The following CACNA1H variants were observed in gnomAD, a reference collection of about 807,000 sequenced individuals.
CACNA1H encodes voltage-dependent T-type calcium channel subunit alpha-1H.
A neutral mutation model predicts 192.5 loss-of-function variants in CACNA1H; 149 were observed. The observed-to-expected ratio is 0.77, with a 90% CI of 0.68 to 0.89. The LOEUF is 0.89. Among genes scored for constraint, CACNA1H ranks in the 40% least tolerant of loss-of-function variants. CACNA1H has a pLI of 0.00. For missense variants in CACNA1H, 4,257 were observed against 3,423.5 expected (o/e 1.24, Z -6.08); for synonymous variants, 2,202 against 1,475.2 (o/e 1.49, Z -11.29).
In CACNA1H at chr16:1,204,058, C is replaced by A. The variant is rs767983680; in HGVS notation, c.2051C>A (p.Pro684His). The change falls in exon 10 of 35, where the codon CCC (proline) becomes CAC (histidine). Residue 684 changes from proline (P) to histidine (H), a missense_variant. Physicochemically the swap from Pro to His is moderately conservative, Grantham distance 77 (BLOSUM62 -2). Coordinates refer to ENST00000348261, the MANE Select transcript of CACNA1H (RefSeq NM_021098.3). ...CTGTCGGGCCTCAGTGTGCCCTGCCCCCTGCCCAGCCCCCCAGCGGGCACA... is the reference window on the plus strand; with the variant it reads ...CTGTCGGGCCTCAGTGTGCCCTGCCACCTGCCCAGCCCCCCAGCGGGCACA... ...GHLSGLSVPC[P>H]LPSPPAGTLT... 5 of 1,595,084 alleles carry A rather than the reference C, an allele frequency of 3.1e-6. No homozygotes were observed. Among genetic ancestry groups the A allele is most frequent in the Middle Eastern group, 3.3e-4 (2 of 6,064 alleles).
At position 1,198,555 on chromosome 16, in the gene CACNA1H, C is replaced by T. The variant is rs573498568; in HGVS notation, c.644-60C>T. On this transcript the variant is annotated intron_variant, in intron 5 of 34. Coordinates refer to ENST00000348261, the MANE Select transcript of CACNA1H (RefSeq NM_021098.3). The stretch of plus-strand genomic sequence containing the variant: ...GGCTCGGGGGTCCCGGGAGGGGCTG[C>T]AGCCCCGAGGACACTCCTGCAGGGC... 1.0e-4 allele frequency: 164 copies of T among 1,581,478 alleles called. No homozygotes were observed. In the African/African-American group the frequency reaches 2.1e-3, roughly 20 times the overall value.
Position 1,167,347 on chromosome 16 carries a change from G to A in CACNA1H, c.299+13311G>A, listed in dbSNP as rs924817931. On this transcript the variant is annotated intron_variant, in intron 2 of 34. Transcript: ENST00000348261. This position sits in a 1 kb window ranked among gnomAD's most constrained non-coding sequence, Gnocchi z 4.2. ...ACGGGTGCGGGGGCGATATCGGCGC[G>A]GAGCGGGCGGGGTGGCGCCCGGGCC... 1.1e-4 allele frequency among the ~76,000 whole-genome samples: 16 copies of A among 152,284 alleles called. No individual in the cohort carries two copies. Among genetic ancestry groups the A allele is most frequent in the Admixed American group, 2.6e-4 (4 of 15,304 alleles).
Position 1,209,426 on chromosome 16 carries a change from C to T in CACNA1H, c.3744+14C>T. ...GACTCGGAGGACGTGAGTGCGTGGC[C>T]CTGGGCCCACCGCCGACTCGCCTTC... On this transcript the variant is annotated intron_variant, in intron 17 of 34. Transcript: ENST00000348261. 1 of 1,592,860 alleles carries T rather than the reference C, an allele frequency of 6.3e-7. No homozygotes were observed. Among genetic ancestry groups the T allele is most frequent in the Non-Finnish European group, 8.5e-7 (1 of 1,176,310 alleles).
rs1963929804 is a variant in CACNA1H, at chr16:1,167,620, A to G, written c.299+13584A>G. Among the ~76,000 whole-genome samples the G allele has an allele frequency of 6.6e-6, 1 of 152,080 alleles. No homozygotes were observed. The highest frequency in any genetic ancestry group is 1.5e-5 in the Non-Finnish European group (1 of 68,006). On this transcript the variant is annotated intron_variant, in intron 2 of 34. Coordinates refer to ENST00000348261, the MANE Select transcript of CACNA1H (RefSeq NM_021098.3). This position sits in a 1 kb window ranked among gnomAD's most constrained non-coding sequence, Gnocchi z 4.2. ...TGGGGTTGCCGTGGCAACGCCTGTC[A>G]CTAATCCCCAGCTGCTCCTGGTTGA...
In CACNA1H at chr16:1,215,348, A is replaced by C. The variant is rs781279677; in HGVS notation, c.5146A>C (p.Ile1716Leu). 3 of 1,611,744 alleles carry C rather than the reference A, an allele frequency of 1.9e-6. No individual in the cohort carries two copies. The highest frequency in any genetic ancestry group is 2.5e-6 in the Non-Finnish European group (3 of 1,179,358). Residue 1716 changes from isoleucine to leucine, a missense_variant, in exon 29 of 35, where the codon ATC (isoleucine) becomes CTC (leucine). Ile to Leu is a conservative substitution (Grantham distance 5). Transcript: ENST00000348261. The stretch of plus-strand genomic sequence containing the variant: ...GCCCATCAACCCCACCATCATCCGC[A>C]TCATGCGCGTGCTTCGCATTGCCCG... ...ALPINPTIIR[I>L]MRVLRIARVL...
At position 1,195,569 on chromosome 16, in the gene CACNA1H, G is replaced by C. The variant is rs1418796576; in HGVS notation, c.545+4G>C. 1 of 1,583,916 alleles carries C rather than the reference G, an allele frequency of 6.3e-7. No homozygotes were observed. The highest frequency in any genetic ancestry group is 1.3e-5 in the African/African-American group (1 of 74,310). ...ATTTCTTCATCGTCGTGGCGGGGTAGGCCCCGCCTGGGAGAGGCCACAGCG... is the reference window on the plus strand; with the variant it reads ...ATTTCTTCATCGTCGTGGCGGGGTACGCCCCGCCTGGGAGAGGCCACAGCG... On this transcript the variant is annotated splice_donor_region_variant and intron_variant, in intron 4 of 34. Coordinates refer to ENST00000348261, the MANE Select transcript of CACNA1H (RefSeq NM_021098.3).
At chr16:1,177,975 C>T (rs1221389815) in intron 2 of CACNA1H, among the ~76,000 whole-genome samples, 1 of 151,108 alleles carries the variant, frequency 6.6e-6, no homozygotes, top group Non-Finnish European at 1.5e-5. Flanking sequence ...CCCTGGGACC[C>T]CCGGGGTCTC....
intron 2 of CACNA1H, among the ~76,000 whole-genome samples, chr16:1,189,839 C>T (rs1966440757): frequency 6.6e-6 from 1 of 152,186 alleles, no homozygotes; most frequent in African/African-American, 2.4e-5. Flanking sequence ...TTCCCCTGTT[C>T]AGGCCTCTCT....
intron 2 of CACNA1H, among the ~76,000 whole-genome samples, chr16:1,176,550 G>T (rs1434531247): frequency 6.6e-6 from 1 of 152,356 alleles, no homozygotes; most frequent in East Asian, 1.9e-4. Flanking sequence ...GAGGTGACGG[G>T]CCTGGGCTGC....
At chr16:1,184,162 TC>T (rs1965750976) in intron 2 of CACNA1H, among the ~76,000 whole-genome samples, 1 of 152,196 alleles carries the variant, frequency 6.6e-6, no homozygotes, top group Admixed American at 6.5e-5. Flanking sequence ...ACAGGGGGCT[TC>T]CGGTGCTTCA....
rs1275700450 is a variant in CACNA1H, at chr16:1,211,025, G to A, written c.4223+54G>A. ...CAACCTGGAAGCACAGTCCCCTGAC[G>A]CCACTGCCCATTACTCCTCCCGCAG... On this transcript the variant is annotated intron_variant, in intron 21 of 34. Transcript: ENST00000348261. The A allele has an allele frequency of 1.5e-4, 227 of 1,560,566 alleles. 2 individuals are homozygous for A. Among genetic ancestry groups the A allele is most frequent in the Middle Eastern group, 2.3e-4 (1 of 4,380 alleles).
chr16:1,182,972 C>T lies in CACNA1H; in HGVS notation c.300-12000C>T, dbSNP rs189210090. ...CAGGTTCTCAGGAGGGCAAGCCCAC[C>T]TGTCCCATCTCTGGACAACTGGGTT... On this transcript the variant is annotated intron_variant, in intron 2 of 34. Coordinates refer to ENST00000348261, the MANE Select transcript of CACNA1H (RefSeq NM_021098.3). 3.6e-3 allele frequency among the ~76,000 whole-genome samples: 546 copies of T among 152,214 alleles called. 7 individuals are homozygous for T. Among genetic ancestry groups the T allele is most frequent in the African/African-American group, 0.013 (524 of 41,524 alleles).
intron 2 of CACNA1H, among the ~76,000 whole-genome samples, chr16:1,179,671 C>G (rs1409308762): frequency 6.6e-6 from 1 of 151,676 alleles, no homozygotes; most frequent in African/African-American, 2.4e-5. Context: ...TCAAGTGATC[C>G]ACCCGCCTCA....
chr16:1,206,137 C>T lies in CACNA1H; in HGVS notation c.2637C>T (p.Gly879=), dbSNP rs1968676286. 2.5e-6 allele frequency: 4 copies of T among 1,585,896 alleles called. No individual in the cohort carries two copies. The highest frequency in any genetic ancestry group is 1.3e-5 in the African/African-American group (1 of 74,380). The change falls in exon 12 of 35, where the codon GGC becomes GGT. Residue 879 remains glycine (G), a synonymous_variant. Coordinates refer to ENST00000348261, the MANE Select transcript of CACNA1H (RefSeq NM_021098.3). ...AGATCGTGGGGCAGGCGGACGGTGG[C>T]TTGTCTGTGCTGCGCACCTTCCGGC... is the stretch of plus-strand genomic sequence containing the variant. ...VWEIVGQADG[G]LSVLRTFRLL...
chr16:1,201,789 C>G lies in CACNA1H; in HGVS notation c.1339C>G (p.Leu447Val), dbSNP rs1375622822. The G allele has an allele frequency of 1.3e-6, 2 of 1,598,744 alleles. No homozygotes were observed. The highest frequency in any genetic ancestry group is 1.7e-6 in the Non-Finnish European group (2 of 1,173,840). ...RARHLSNDST[L>V]ASFSEPGSCY... ...ACGCCACCTGTCCAACGACAGCACG[C>G]TGGCCAGCTTCTCCGAGCCTGGCAG... The change falls in exon 9 of 35, where the codon CTG (leucine) becomes GTG (valine). Residue 447 changes from leucine (L) to valine (V), a missense_variant. Coordinates refer to ENST00000348261, the MANE Select transcript of CACNA1H (RefSeq NM_021098.3).
Position 1,207,332 on chromosome 16 carries a change from T to C in CACNA1H, c.2965T>C (p.Ser989Pro). ...VLYNGMASTS[S>P]WAALYFVALM... ...GTACAACGGCATGGCCTCCACCTCC[T>C]CCTGGGCCGCCCTCTACTTCGTGGC... The change falls in exon 14 of 35, where the codon TCC (serine) becomes CCC (proline). Residue 989 changes from serine to proline, a missense_variant. Physicochemically the swap from Ser to Pro is moderately conservative, Grantham distance 74 (BLOSUM62 -1). Transcript: ENST00000348261. 6.2e-7 allele frequency: 1 copy of C among 1,611,596 alleles called. No homozygotes were observed. Among genetic ancestry groups the C allele is most frequent in the Non-Finnish European group, 8.5e-7 (1 of 1,179,156 alleles).
At chr16:1,165,211 G>A (rs1288281961) in intron 2 of CACNA1H, among the ~76,000 whole-genome samples, 1 of 152,152 alleles carries the variant, frequency 6.6e-6, no homozygotes, top group East Asian at 1.9e-4. Flanking sequence ...AGAGCAGAGA[G>A]CACACGAGGC....
chr16:1,153,632 C>T (rs547925606), intron 1 of CACNA1H, 88 bp from the exon 2 acceptor site: 168 of 814,286 alleles, frequency 2.1e-4, no homozygotes, highest in African/African-American at 4.9e-4. Flanking sequence ...GACATCCCGG[C>T]GGCCGCGGCT....
Position 1,212,137 on chromosome 16 carries a change from G to A in CACNA1H, c.4758G>A (p.Arg1586=), listed in dbSNP as rs200153161. 117 of 1,603,162 alleles carry A rather than the reference G, an allele frequency of 7.3e-5. No homozygotes were observed. In the African/African-American group the frequency reaches 9.3e-4, roughly 13 times the overall value. Residue 1586 remains arginine, a splice_region_variant and synonymous_variant, in exon 25 of 35, where the codon AGG becomes AGA. Transcript: ENST00000348261. ...TGCGGCGCCTAGAGAGGAGGCGCAG[G>A]AGTAAGGCGCTCCCGGTGGCGGTGG... ...KRLRRLERRR[R]STFPSPEAQR...
Sources: gnomAD v4.1 joint callset for allele counts (sites outside exome capture counted in the v4.1 genomes callset) on GRCh38, gnomAD v4.1.1 for gene constraint, Gnocchi (gnomAD v3.1) non-coding constraint, MANE v1.5 for transcripts, NCBI Gene and HGNC (gene_info 2026-07-23, HGNC 2026-07-21) for gene names.